The following MPDZ variants were observed in gnomAD, a reference collection of about 807,000 sequenced individuals.
MPDZ encodes the protein multiple PDZ domain crumbs cell polarity complex component.
In MPDZ, 234 loss-of-function variants were observed where a neutral mutation model predicts 239.1. The ratio of observed to expected loss-of-function variants is 0.98; its 90% CI spans 0.88 to 1.09. The LOEUF (loss-of-function observed/expected upper bound fraction) is 1.09, where lower values mean the gene tolerates loss of function less well. Ranked by LOEUF, MPDZ falls within the 50% of genes least tolerant of loss-of-function variation. The probability of loss-of-function intolerance (pLI) is 0.00; values close to 1 mark genes in which losing one functional copy is unlikely to be tolerated. For missense variants in MPDZ, 3,175 were observed against 2,510.0 expected (o/e 1.26, Z -5.66); for synonymous variants, 1,048 against 881.3 (o/e 1.19, Z -3.35).
At chr9:13,167,843 C>G (rs1229426811) in intron 22 of MPDZ, among the ~76,000 whole-genome samples, 1 of 152,050 alleles carries the variant, frequency 6.6e-6, no homozygotes, top group Non-Finnish European at 1.5e-5. Flanking sequence ...CCTCCATGAC[C>G]TACAAACAGA....
chr9:13,214,748 T>C (rs1014687095), intron 10 of MPDZ, among the ~76,000 whole-genome samples: 4 of 152,016 alleles, frequency 2.6e-5, no homozygotes, highest in African/African-American at 4.8e-5. Flanking sequence ...AACAAAAACA[T>C]GTACAGTAAT....
chr9:13,277,692 G>A (rs534395376), intron 1 of MPDZ, among the ~76,000 whole-genome samples: 13 of 152,204 alleles, frequency 8.5e-5, no homozygotes, highest in African/African-American at 3.1e-4. Context: ...AGCCTCCCTA[G>A]TATCTGAGAC....
At chr9:13,178,051 G>C (rs1403597619) in intron 19 of MPDZ, among the ~76,000 whole-genome samples, 1 of 152,018 alleles carries the variant, frequency 6.6e-6, no homozygotes, top group Non-Finnish European at 1.5e-5. Context: ...TGATTCGCCT[G>C]CCTCGGCCTC....
chr9:13,252,171 G>A (rs1420764785), intron 1 of MPDZ, among the ~76,000 whole-genome samples: 1 of 152,008 alleles, frequency 6.6e-6, no homozygotes, highest in Non-Finnish European at 1.5e-5. Context: ...AAATAAATTG[G>A]TGATTTATTT....
At chr9:13,195,400 T>G (rs1398677063) in intron 13 of MPDZ, among the ~76,000 whole-genome samples, 9 of 152,176 alleles carry the variant, frequency 5.9e-5, no homozygotes, top group Non-Finnish European at 2.9e-5. Flanking sequence ...TATTAATATA[T>G]GTCATCTGTT....
Position 13,113,021 on chromosome 9 carries a change from T to A in MPDZ, c.5591A>T (p.Glu1864Val), listed in dbSNP as rs967767927. Residue 1864 changes from glutamate to valine, a missense_variant, in exon 42 of 47, where the codon GAA (glutamate) becomes GTA (valine). Transcript: ENST00000319217. ...ASEIQGLRTV[E>V]MKKGPTDSLG... ...CTCTCCCCAAGTTACCTTTTTCATT[T>A]CGACTGTTCTTAATCCCTGTATTTC... is the stretch of plus-strand genomic sequence containing the variant. The A allele has an allele frequency of 6.3e-7, 1 of 1,585,846 alleles. No individual in the cohort carries two copies. The highest frequency in any genetic ancestry group is 8.6e-7 in the Non-Finnish European group (1 of 1,163,796).
chr9:13,263,716 G>C (rs1241507079), intron 1 of MPDZ, among the ~76,000 whole-genome samples: 1 of 152,168 alleles, frequency 6.6e-6, no homozygotes, highest in African/African-American at 2.4e-5. Context: ...TCATCAGAGA[G>C]CAGGAGGGCA....
At chr9:13,135,043 G>A (rs946653022) in intron 31 of MPDZ, 1 of 152,148 alleles carries the variant, frequency 6.6e-6, no homozygotes, top group African/African-American at 2.4e-5. Flanking sequence ...TGCATATACA[G>A]GAAATCATCT....
At chr9:13,269,259 T>C (rs986364882) in intron 1 of MPDZ, among the ~76,000 whole-genome samples, 23 of 152,206 alleles carry the variant, frequency 1.5e-4, no homozygotes, top group African/African-American at 4.8e-4. Flanking sequence ...GATAAATATA[T>C]GGTTTTAGAG....
chr9:13,237,441 CAAAAA>C (rs71331532), intron 3 of MPDZ, among the ~76,000 whole-genome samples: 1 of 54,690 alleles, frequency 1.8e-5, no homozygotes. Flanking sequence ...GACACTGTCT[CAAAAA>C]AAAAAAAAAA....
At chr9:13,149,538 T>G (rs1030090961) in intron 25 of MPDZ, among the ~76,000 whole-genome samples, 1 of 152,086 alleles carries the variant, frequency 6.6e-6, no homozygotes, top group South Asian at 2.1e-4. Context: ...AATAAAATTA[T>G]GCTTATCCCA....
In MPDZ at chr9:13,125,378, G is replaced by A. The variant is rs369732746; in HGVS notation, c.4645C>T (p.Leu1549=). Residue 1549 remains leucine (L), a synonymous_variant, in exon 35 of 47, where the codon CTG becomes TTG. Coordinates refer to ENST00000319217, the MANE Select transcript of MPDZ (RefSeq NM_001378778.1). ...TTTACTGTCATCTTTGCTGTCTTCAGAAGGCTAATAAACTGGCAGGGTGTA... is the reference window on the plus strand; with the variant it reads ...TTTACTGTCATCTTTGCTGTCTTCAAAAGGCTAATAAACTGGCAGGGTGTA... The part of the protein sequence containing the change: ...GYPIEKFISL[L]KTAKMTVKLT... The A allele has an allele frequency of 5.6e-6, 9 of 1,613,434 alleles. No individual in the cohort carries two copies. The highest frequency in any genetic ancestry group is 7.6e-6 in the Non-Finnish European group (9 of 1,179,556).
intron 1 of MPDZ, among the ~76,000 whole-genome samples, chr9:13,250,888 G>A (rs1295491195): frequency 2.0e-5 from 3 of 152,036 alleles, no homozygotes; most frequent in African/African-American, 7.2e-5. Context: ...CAGCACTTCG[G>A]GAAGCCAAGG....
intron 3 of MPDZ, among the ~76,000 whole-genome samples, chr9:13,246,624 TTTAGA>T (rs1478469357): frequency 1.3e-5 from 2 of 152,210 alleles, no homozygotes; most frequent in African/African-American, 4.8e-5. Context: ...CTACAAAATA[TTTAGA>T]TTAAGAAGTT....
chr9:13,156,427 CA>C (rs1339854082), intron 24 of MPDZ, among the ~76,000 whole-genome samples: 1 of 152,190 alleles, frequency 6.6e-6, no homozygotes, highest in African/African-American at 2.4e-5. Flanking sequence ...GGAAGCCTCA[CA>C]ATCATGACAG....
At chr9:13,173,579 T>C (rs1952063957) in intron 21 of MPDZ, among the ~76,000 whole-genome samples, 1 of 151,872 alleles carries the variant, frequency 6.6e-6, no homozygotes, top group South Asian at 2.1e-4. Context: ...GGCAGAGGCC[T>C]GTAATCCCAG....
chr9:13,262,010 A>C (rs1970795946), intron 1 of MPDZ, among the ~76,000 whole-genome samples: 1 of 151,946 alleles, frequency 6.6e-6, no homozygotes, highest in Non-Finnish European at 1.5e-5. Flanking sequence ...ACGCCACTGA[A>C]CTCCAGCCTG....
At position 13,119,629 on chromosome 9, in the gene MPDZ, A is replaced by C. The variant is rs1325269854; in HGVS notation, c.5252T>G (p.Val1751Gly). The C allele has an allele frequency of 6.2e-7, 1 of 1,613,856 alleles. No individual in the cohort carries two copies. The highest frequency in any genetic ancestry group is 2.2e-5 in the East Asian group (1 of 44,888). The stretch of plus-strand genomic sequence containing the variant: ...AATTCCTCCTTTGACAATGTCTGAC[A>C]CAAATACTCCAGTATCGTTTCTACA... ...VGKRNDTGVF[V>G]SDIVKGGIAD... Residue 1751 changes from valine to glycine, a missense_variant, in exon 39 of 47, where the codon GTG becomes GGG. Physicochemically the swap from Val to Gly is moderately radical, Grantham distance 109. Transcript: ENST00000319217.
In MPDZ at chr9:13,193,384, T is replaced by C; in HGVS notation, c.1657-71A>G. The C allele has an allele frequency of 2.8e-6, 4 of 1,434,034 alleles. No homozygotes were observed. In the South Asian group the frequency reaches 6.6e-5, roughly 24 times the overall value. 88.8% of individuals were successfully genotyped at this position (1,434,034 alleles called of 1,614,324 possible). A position where few individuals can be genotyped will look rare whatever the true frequency, so the allele number is the denominator to read the frequency against. On this transcript the variant is annotated intron_variant, in intron 13 of 46. Transcript: ENST00000319217. ...TATTTTTACTCATGCACACATTTTA[T>C]GTTTTATGTTTACCCAAAAGTGGTC...
Sources: allele counts gnomAD v4.1 joint callset (sites outside exome capture counted in the v4.1 genomes callset), GRCh38; gene constraint gnomAD v4.1.1; transcripts MANE v1.5; gene names NCBI Gene and HGNC (gene_info 2026-07-23, HGNC 2026-07-21).